PKP4: variants seen among roughly 807,000 people sequenced by gnomAD.
PKP4 encodes the protein plakophilin 4.
A neutral mutation model predicts 145.1 loss-of-function variants in PKP4; 90 were observed. The observed-to-expected ratio is 0.62, with a 90% CI of 0.52 to 0.74. The LOEUF is 0.74. Ranked by LOEUF, PKP4 falls within the 30% of genes least tolerant of loss-of-function variation. The pLI, the probability that PKP4 is intolerant of heterozygous loss-of-function variation, is 0.00. For synonymous variants in PKP4, 563 were observed against 577.2 expected (o/e 0.98, Z 0.35); for missense variants, 1,340 against 1,482.7 (o/e 0.90, Z 1.58).
At chr2:158,570,426 C>T (rs964781315) in intron 2 of PKP4, among the ~76,000 whole-genome samples, 2 of 152,152 alleles carry the variant, frequency 1.3e-5, no homozygotes, top group Non-Finnish European at 2.9e-5. Context: ...TGCCCAATCC[C>T]CTCTATCTTA....
At position 158,612,956 on chromosome 2, in the gene PKP4, A is replaced by G. The variant is rs143505277; in HGVS notation, c.281-8034A>G. 6.6e-4 allele frequency among the ~76,000 whole-genome samples: 101 copies of G among 152,264 alleles called. 1 individual carries two copies. In the East Asian group the frequency reaches 0.019, roughly 28 times the overall value. ...CATAGCTGGCTCAAAATGATCAGAT[A>G]CATTTTTCTATCATGAAAAATGCAA... On this transcript the variant is annotated intron_variant, in intron 4 of 21. Coordinates refer to ENST00000389759, the MANE Select transcript of PKP4 (RefSeq NM_003628.6).
intron 4 of PKP4, among the ~76,000 whole-genome samples, chr2:158,605,514 C>A (rs1334000236): frequency 6.6e-6 from 1 of 152,110 alleles, no homozygotes; most frequent in African/African-American, 2.4e-5. Flanking sequence ...TACAGTATTG[C>A]AGGTTTGTTT....
chr2:158,627,665 A>ATATAT (rs2052937155), intron 7 of PKP4, among the ~76,000 whole-genome samples: 2 of 150,812 alleles, frequency 1.3e-5, no homozygotes. Flanking sequence ...ATATATATAT[A>ATATAT]CTCTAAAATG....
chr2:158,577,674 T>G (rs2047974115), intron 3 of PKP4, among the ~76,000 whole-genome samples: 1 of 152,240 alleles, frequency 6.6e-6, no homozygotes, highest in Non-Finnish European at 1.5e-5. Flanking sequence ...GATTAATTGC[T>G]AATTATTTGG....
At chr2:158,672,266 T>C (rs72942790) in intron 17 of PKP4, among the ~76,000 whole-genome samples, 2,387 of 152,330 alleles carry the variant, frequency 0.016, 34 homozygotes, top group Non-Finnish European at 0.025. Flanking sequence ...AAATTAGAGA[T>C]GCAAGTACAT....
intron 21 of PKP4, chr2:158,678,903 T>C: frequency 1.8e-6 from 1 of 541,374 alleles, no homozygotes; most frequent in Non-Finnish European, 3.3e-6. Context: ...CCGAGAAGTC[T>C]TTAGTTCATG....
Position 158,656,586 on chromosome 2 carries a change from A to T in PKP4, c.1910-1545A>T, listed in dbSNP as rs2711061. Among the ~76,000 whole-genome samples the T allele has an allele frequency of 2.6e-5, 4 of 152,276 alleles. No homozygotes were observed. The South Asian group carries it at 6.2e-4, about 24-fold the overall frequency. On this transcript the variant is annotated intron_variant, in intron 11 of 21. Transcript: ENST00000389759. ...GGTAAAAGTCCTTGGGGAACAAGGGAAACCAAATCAGCAAGGTCCAGAAGT... is the reference window on the plus strand; with the variant it reads ...GGTAAAAGTCCTTGGGGAACAAGGGTAACCAAATCAGCAAGGTCCAGAAGT...
chr2:158,597,447 G>T (rs573863692), intron 3 of PKP4, among the ~76,000 whole-genome samples: 95 of 152,318 alleles, frequency 6.2e-4, no homozygotes, highest in African/African-American at 2.1e-3. Context: ...CAGTCTGCTA[G>T]TAGAACAGGT....
At chr2:158,615,023 ATAAC>A (rs999221225) in intron 4 of PKP4, among the ~76,000 whole-genome samples, 2 of 151,928 alleles carry the variant, frequency 1.3e-5, no homozygotes, top group African/African-American at 4.8e-5. Context: ...AAAAAAAAAA[ATAAC>A]TAGTGGAAAA....
intron 4 of PKP4, among the ~76,000 whole-genome samples, chr2:158,616,014 TC>T (rs2051571554): frequency 6.6e-6 from 1 of 152,208 alleles, no homozygotes; most frequent in Non-Finnish European, 1.5e-5. Context: ...TGTCTTCACT[TC>T]CATTGAAATC....
At chr2:158,553,018 T>C (rs2045765689) in intron 2 of PKP4, among the ~76,000 whole-genome samples, 2 of 151,998 alleles carry the variant, frequency 1.3e-5, no homozygotes, top group Non-Finnish European at 2.9e-5. Flanking sequence ...GTAGAAAACT[T>C]AGCTGAATTG....
Position 158,475,457 on chromosome 2 carries a change from C to T in PKP4, c.-6+18239C>T, listed in dbSNP as rs189686756. 2.0e-3 allele frequency among the ~76,000 whole-genome samples: 298 copies of T among 152,244 alleles called. 4 individuals carry two copies. The highest frequency in any genetic ancestry group is 0.017 in the Admixed American group (261 of 15,296). On this transcript the variant is annotated intron_variant, in intron 1 of 21. Transcript: ENST00000389759. Reference sequence around the variant, plus strand: ...AGGGCATTTTTACTTTCTTATTGTTCTCAGTAGGTAGGAACAACCTGGCAG... The same window carrying T: ...AGGGCATTTTTACTTTCTTATTGTTTTCAGTAGGTAGGAACAACCTGGCAG...
intron 2 of PKP4, among the ~76,000 whole-genome samples, chr2:158,569,319 G>C (rs1221003621): frequency 6.6e-6 from 1 of 152,160 alleles, no homozygotes; most frequent in Non-Finnish European, 1.5e-5. Flanking sequence ...TCTCCTATTA[G>C]AATATTAGCT....
rs111762902 is a variant in PKP4, at chr2:158,638,905, G to A, written c.1563-1722G>A. ...GACACCCATCTTTTTGTATTCTAGGGCATTCTTTCCTTGGCCACTAGAGTT... is the reference window on the plus strand; with the variant it reads ...GACACCCATCTTTTTGTATTCTAGGACATTCTTTCCTTGGCCACTAGAGTT... On this transcript the variant is annotated intron_variant, in intron 9 of 21. Transcript: ENST00000389759. 8.5e-3 allele frequency among the ~76,000 whole-genome samples: 1,296 copies of A among 152,146 alleles called. 18 individuals carry two copies. The highest frequency in any genetic ancestry group is 0.029 in the African/African-American group (1,190 of 41,476).
At chr2:158,669,952 A>G (rs2057419570) in intron 17 of PKP4, 37 bp downstream of exon 17, 2 of 1,512,240 alleles carry the variant, frequency 1.3e-6, no homozygotes, top group Non-Finnish European at 1.8e-6. Flanking sequence ...CAGTGCTCTT[A>G]TTCCTGAGAT....
At chr2:158,463,142 AT>A (rs1353254062) in intron 1 of PKP4, among the ~76,000 whole-genome samples, 1 of 152,198 alleles carries the variant, frequency 6.6e-6, no homozygotes, top group African/African-American at 2.4e-5. Flanking sequence ...CAGCACAGTA[AT>A]TAAGGGCCTT....
chr2:158,596,202 T>C (rs79070167), intron 3 of PKP4, among the ~76,000 whole-genome samples: 4,816 of 152,214 alleles, frequency 0.032, 101 homozygotes, highest in Middle Eastern at 0.065. Flanking sequence ...AAACATATGT[T>C]ATAAAATGAG....
intron 1 of PKP4, among the ~76,000 whole-genome samples, chr2:158,461,444 G>A (rs1399948831): frequency 6.6e-6 from 1 of 151,922 alleles, no homozygotes; most frequent in Non-Finnish European, 1.5e-5. Context: ...ATGATTCATT[G>A]CAGCTGATAA....
intron 1 of PKP4, among the ~76,000 whole-genome samples, chr2:158,502,291 A>T (rs1274892992): frequency 6.6e-6 from 1 of 152,136 alleles, no homozygotes; most frequent in Non-Finnish European, 1.5e-5. Flanking sequence ...CTCTAGTTCC[A>T]TTTGCAGCTT....
Sources: allele counts gnomAD v4.1 joint callset (sites outside exome capture counted in the v4.1 genomes callset), GRCh38; gene constraint gnomAD v4.1.1; transcripts MANE v1.5; gene names NCBI Gene and HGNC (gene_info 2026-07-23, HGNC 2026-07-21).